The following HEATR3 variants were observed in gnomAD, a reference collection of about 807,000 sequenced individuals.
HEATR3 encodes the protein HEAT repeat containing 3.
HEATR3 carries 56 observed loss-of-function variants against 72.8 expected under a neutral mutation model. That is an observed-to-expected ratio of 0.77 (90% CI 0.62 to 0.96). HEATR3 has a LOEUF of 0.96. Among genes scored for constraint, HEATR3 ranks in the 40% least tolerant of loss-of-function variants. The pLI is 0.00. For missense variants in HEATR3, 747 were observed against 831.4 expected, an observed-to-expected ratio of 0.90 and a Z score of 1.25; for synonymous variants, 331 against 318.1, an observed-to-expected ratio of 1.04 and a Z score of -0.43.
chr16:50,093,064 C>G (rs1430099104), intron 11 of HEATR3, among the ~76,000 whole-genome samples: 1 of 152,124 alleles, frequency 6.6e-6, no homozygotes, highest in African/African-American at 2.4e-5. Flanking sequence ...GTGTAAAGCT[C>G]TCCTATTATT....
Position 50,100,277 on chromosome 16 carries a change from T to C in HEATR3, c.1647T>C (p.His549=), listed in dbSNP as rs2037338080. 1 of 1,613,880 alleles carries C rather than the reference T, an allele frequency of 6.2e-7. No homozygotes were observed. Among genetic ancestry groups the C allele is most frequent in the South Asian group, 1.1e-5 (1 of 91,086 alleles). Residue 549 remains histidine (H), a synonymous_variant, in exon 13 of 15, where the codon CAT becomes CAC. Transcript: ENST00000299192. ...TGACATTATGCAAAGCAGGCATTCA[T>C]AGTAGTAATGTCGGGGTTAGAGTGA... The part of the protein sequence containing the change: ...QLMTLCKAGI[H]SSNVGVRVNV...
intron 13 of HEATR3, 51 bp downstream of exon 13, chr16:50,100,424 A>G (rs2037341770): frequency 1.1e-5 from 17 of 1,562,492 alleles, no homozygotes; most frequent in Non-Finnish European, 1.4e-5. Flanking sequence ...GAAATGGGAG[A>G]AGAACTGTTG....
At chr16:50,079,688 G>T (rs1437564274) in intron 7 of HEATR3, among the ~76,000 whole-genome samples, 2 of 152,164 alleles carry the variant, frequency 1.3e-5, no homozygotes, top group African/African-American at 2.4e-5. Context: ...GGAAGACGGG[G>T]CACAGTGAGT....
At chr16:50,088,722 G>A (rs1040537080) in intron 11 of HEATR3, among the ~76,000 whole-genome samples, 3 of 152,198 alleles carry the variant, frequency 2.0e-5, no homozygotes, top group East Asian at 3.8e-4. Context: ...GAGGGCTGCT[G>A]TTGCTCATGC....
At chr16:50,084,838 T>C (rs2036953028) in intron 10 of HEATR3, among the ~76,000 whole-genome samples, 187 bp downstream of exon 10, 1 of 152,168 alleles carries the variant, frequency 6.6e-6, no homozygotes, top group Non-Finnish European at 1.5e-5. Context: ...GCAGTGTGTG[T>C]CACAGTTGCC....
In HEATR3 at chr16:50,102,305, T is replaced by C; in HGVS notation, c.1790T>C (p.Leu597Pro). Residue 597 changes from leucine to proline, a missense_variant, in exon 14 of 15, where the codon CTT becomes CCT. Leu to Pro is a moderately conservative substitution (Grantham distance 98). Coordinates refer to ENST00000299192, the MANE Select transcript of HEATR3 (RefSeq NM_182922.4). ...GAAGTTACCACCAAAGATCCTTCCCTTGTGGTAGCAGGAGAAGCTTTGGAT... is the reference window on the plus strand; with the variant it reads ...GAAGTTACCACCAAAGATCCTTCCCCTGTGGTAGCAGGAGAAGCTTTGGAT... ...LLEVTTKDPS[L>P]VVAGEALDAL... 9 of 1,614,084 alleles carry C rather than the reference T, an allele frequency of 5.6e-6. No homozygotes were observed. The highest frequency in any genetic ancestry group is 1.1e-5 in the South Asian group (1 of 91,078).
intron 5 of HEATR3, chr16:50,073,357 C>T (rs1241801277): frequency 2.6e-5 from 4 of 152,192 alleles, no homozygotes; most frequent in Admixed American, 6.5e-5. Context: ...AGTGGAGAAA[C>T]AATTGAGGGA....
At chr16:50,084,433 A>T in intron 9 of HEATR3, 136 bp from the exon 10 acceptor site, 3 of 1,195,142 alleles carry the variant, frequency 2.5e-6, no homozygotes, top group Non-Finnish European at 3.5e-6. Context: ...GCCTAACAGT[A>T]CTGGAAATAG....
intron 13 of HEATR3, 71 bp downstream of exon 13, chr16:50,100,444 T>A: frequency 1.4e-6 from 2 of 1,477,240 alleles, no homozygotes; most frequent in Non-Finnish European, 1.9e-6. Flanking sequence ...GGTGTAGGAT[T>A]TCTTAAAACT....
In HEATR3 at chr16:50,086,240, C is replaced by T; in HGVS notation, c.1399C>T (p.Leu467Phe). Residue 467 changes from leucine to phenylalanine, a missense_variant, in exon 11 of 15, where the codon CTC becomes TTC. Physicochemically the swap from Leu to Phe is conservative, Grantham distance 22. Coordinates refer to ENST00000299192, the MANE Select transcript of HEATR3 (RefSeq NM_182922.4). The part of the protein sequence containing the change: ...RKMNTIQCRA[L>F]FCLQSLVSLL... ...AATGAACACTATTCAGTGCAGAGCC[C>T]TCTTCTGTCTCCAGAGTCTTGTGTC... 6.3e-7 allele frequency: 1 copy of T among 1,579,102 alleles called. No homozygotes were observed. Among genetic ancestry groups the T allele is most frequent in the Non-Finnish European group, 8.6e-7 (1 of 1,160,924 alleles).
rs1191513066 is a variant in HEATR3, at chr16:50,105,476, A to C, written c.*415A>C. The C allele has an allele frequency of 1.3e-5, 2 of 155,510 alleles. No homozygotes were observed. The highest frequency in any genetic ancestry group is 2.8e-5 in the Non-Finnish European group (2 of 70,694). The allele number at this position is 155,510 out of a possible 1,614,324, so 9.6% of individuals were successfully genotyped here. A position where few individuals can be genotyped will look rare whatever the true frequency, so the allele number is the denominator to read the frequency against. ...GACCCTGTCTCCAAAAAAAAAAAAA[A>C]AAAAAAACTTCAAAACCTGTCAGAA... On this transcript the variant is annotated 3_prime_UTR_variant, in exon 15 of 15. Transcript: ENST00000299192.
At chr16:50,101,916 TTTG>T (rs60310403) in intron 13 of HEATR3, among the ~76,000 whole-genome samples, 133,218 of 151,940 alleles carry the variant, frequency 0.88, 58,445 homozygotes, top group South Asian at 0.94. Context: ...AAGCAGATTT[TTTG>T]TTGTTGTCGT....
At chr16:50,104,395 A>G (rs1387410186) in intron 14 of HEATR3, among the ~76,000 whole-genome samples, 1 of 151,990 alleles carries the variant, frequency 6.6e-6, no homozygotes, top group Non-Finnish European at 1.5e-5. Flanking sequence ...CCTCTGGCTA[A>G]CAAAGGAATT....
At chr16:50,079,146 T>C in intron 7 of HEATR3, 128 bp downstream of exon 7, 1 of 867,202 alleles carries the variant, frequency 1.2e-6, no homozygotes. Context: ...TAAAAATGAG[T>C]CATATTTTCC....
At chr16:50,066,734 C>G in intron 2 of HEATR3, 195 bp downstream of exon 2, 1 of 465,962 alleles carries the variant, frequency 2.1e-6, no homozygotes, top group East Asian at 3.6e-5. Flanking sequence ...GTCCACCTGG[C>G]TGCTTCACCT....
intron 7 of HEATR3, among the ~76,000 whole-genome samples, chr16:50,081,061 C>A (rs2036856111): frequency 1.3e-5 from 2 of 152,210 alleles, no homozygotes. Flanking sequence ...TGATATTTAA[C>A]TGATATGTAG....
intron 4 of HEATR3, 113 bp from the exon 5 acceptor site, chr16:50,072,492 G>A: frequency 1.5e-6 from 1 of 665,108 alleles, no homozygotes; most frequent in Non-Finnish European, 2.6e-6. Context: ...GTGGGTGTTT[G>A]ATTCCAACTC....
intron 11 of HEATR3, among the ~76,000 whole-genome samples, chr16:50,090,131 G>T (rs2037076377): frequency 6.6e-6 from 1 of 152,104 alleles, no homozygotes; most frequent in African/African-American, 2.4e-5. Context: ...GAATTGGGAG[G>T]ATCACATGAG....
chr16:50,092,246 G>A (rs1394092810), intron 11 of HEATR3, among the ~76,000 whole-genome samples: 2 of 151,884 alleles, frequency 1.3e-5, no homozygotes, highest in Admixed American at 6.6e-5. Context: ...TGAGGCAGGA[G>A]CTGATTGCTT....
Sources: gnomAD v4.1 joint callset for allele counts (sites outside exome capture counted in the v4.1 genomes callset) on GRCh38, gnomAD v4.1.1 for gene constraint, MANE v1.5 for transcripts, NCBI Gene and HGNC (gene_info 2026-07-23, HGNC 2026-07-21) for gene names.